Variants in WDR25 observed in about 807,000 individuals in gnomAD.
WDR25 encodes the protein WD repeat domain 25, also known as WD repeat-containing protein 25.
WDR25 carries 35 observed loss-of-function variants against 47.7 expected under a neutral mutation model. The ratio of observed to expected loss-of-function variants is 0.73; its 90% CI spans 0.56 to 0.97. The LOEUF (loss-of-function observed/expected upper bound fraction) is 0.97, where lower values mean the gene tolerates loss of function less well. Ranked by LOEUF, WDR25 falls within the 50% of genes least tolerant of loss-of-function variation. WDR25 has a pLI of 0.00. For missense variants in WDR25, 634 were observed against 704.7 expected (o/e 0.90, Z 1.14); for synonymous variants, 248 against 278.9 (o/e 0.89, Z 1.10).
chr14:100,387,882 T>A (rs1383210884), intron 2 of WDR25, among the ~76,000 whole-genome samples: 1 of 152,252 alleles, frequency 6.6e-6, no homozygotes, highest in Admixed American at 6.5e-5. Context: ...AGAGAAGAGA[T>A]GATTTCTGGG....
At position 100,529,607 on chromosome 14, in the gene WDR25, G is replaced by A. The variant is rs1208033385; in HGVS notation, c.1414-213G>A. 15 of 619,288 alleles carry A rather than the reference G, an allele frequency of 2.4e-5. 1 individual carries two copies. Among genetic ancestry groups the A allele is most frequent in the South Asian group, 2.0e-4 (10 of 50,462 alleles). The allele number at this position is 619,288 out of a possible 1,614,324, so 38.4% of individuals were successfully genotyped here. A position where few individuals can be genotyped will look rare whatever the true frequency, so the allele number is the denominator to read the frequency against. On this transcript the variant is annotated intron_variant, in intron 6 of 6. Transcript: ENST00000402312. The surrounding 1 kb of genome is among the most constrained non-coding windows in gnomAD (Gnocchi z 5.1). ...CCTCAGCTGGGCTGGAGCTGGTCCC[G>A]CTGGATCTGCTGAACTGGCCTTGGG...
chr14:100,381,560 C>T lies in WDR25; in HGVS notation c.636C>T (p.Tyr212=), dbSNP rs758455079. The change falls in exon 2 of 7, where the codon TAC becomes TAT. Residue 212 remains tyrosine, a synonymous_variant. Transcript: ENST00000402312. ...CAGGGCGTGCCCCAGCCCCTCTCTA[C>T]GTGGGCCCGGGAGTGTCTGAGTTTA... The part of the protein sequence containing the change: ...PPAGRAPAPL[Y]VGPGVSEFIQ... 215 of 1,609,630 alleles carry T rather than the reference C, an allele frequency of 1.3e-4. No homozygotes were observed. Among genetic ancestry groups the T allele is most frequent in the Non-Finnish European group, 1.6e-4 (189 of 1,177,058 alleles).
rs1432445483 is a variant in WDR25, at chr14:100,425,884, C to A, written c.823-42137C>A. Among the ~76,000 whole-genome samples, 1 of 152,166 alleles carries A rather than the reference C, an allele frequency of 6.6e-6. No homozygotes were observed. Among genetic ancestry groups the A allele is most frequent in the Non-Finnish European group, 1.5e-5 (1 of 68,036 alleles). On this transcript the variant is annotated intron_variant, in intron 2 of 6. Coordinates refer to ENST00000402312, the MANE Select transcript of WDR25 (RefSeq NM_001161476.3). The surrounding 1 kb of genome is among the most constrained non-coding windows in gnomAD (Gnocchi z 4.8). ...TCACCTGGGGCAAGCTGACCCTCAA[C>A]ATGAGGCAAGGGGTATTCAGTGGGG...
chr14:100,487,019 A>G (rs1413029566), intron 4 of WDR25, among the ~76,000 whole-genome samples: 1 of 152,162 alleles, frequency 6.6e-6, no homozygotes, highest in Non-Finnish European at 1.5e-5. Flanking sequence ...AAAAAATTAT[A>G]AAAGCACTAT....
rs1595099568 is a variant in WDR25 at position 100,449,509 on chromosome 14, G to A, written c.823-18512G>A. Among the ~76,000 whole-genome samples the A allele has an allele frequency of 6.6e-6, 1 of 152,352 alleles. No homozygotes were observed. Among genetic ancestry groups the A allele is most frequent in the East Asian group, 1.9e-4 (1 of 5,180 alleles). The stretch of plus-strand genomic sequence containing the variant: ...GGGTGGGAGAGGCTGTCTCAGCTGG[G>A]TCTCTGGAAAAGCTGAGGTCAGGAG... On this transcript the variant is annotated intron_variant, in intron 2 of 6. Coordinates refer to ENST00000402312, the MANE Select transcript of WDR25 (RefSeq NM_001161476.3). This position sits in a 1 kb window ranked among gnomAD's most constrained non-coding sequence, Gnocchi z 4.2.
rs1329064453 is a variant in WDR25 at position 100,440,903 on chromosome 14, T to C, written c.823-27118T>C. On this transcript the variant is annotated intron_variant, in intron 2 of 6. Coordinates refer to ENST00000402312, the MANE Select transcript of WDR25 (RefSeq NM_001161476.3). The surrounding 1 kb of genome is among the most constrained non-coding windows in gnomAD (Gnocchi z 4.4). The stretch of plus-strand genomic sequence containing the variant: ...GATTGTTCCCCCAGGATAGTCCTGA[T>C]GACAAATGTAATTGACATTTTTTAT... 6.6e-6 allele frequency among the ~76,000 whole-genome samples: 1 copy of C among 152,242 alleles called. No homozygotes were observed. Among genetic ancestry groups the C allele is most frequent in the Non-Finnish European group, 1.5e-5 (1 of 68,046 alleles).
At chr14:100,423,646 C>CT (rs1566903371) in intron 2 of WDR25, among the ~76,000 whole-genome samples, 1 of 152,192 alleles carries the variant, frequency 6.6e-6, no homozygotes, top group East Asian at 1.9e-4. Context: ...GAAAACGGAA[C>CT]TTTTGACTAC....
At chr14:100,446,770 G>T (rs1482907049) in intron 2 of WDR25, among the ~76,000 whole-genome samples, 1 of 152,154 alleles carries the variant, frequency 6.6e-6, no homozygotes, top group Non-Finnish European at 1.5e-5. Flanking sequence ...GGGCTTCTGT[G>T]ATCTGGGCAG....
At chr14:100,477,955 G>T (rs11628924) in intron 3 of WDR25, among the ~76,000 whole-genome samples, 80,211 of 151,824 alleles carry the variant, frequency 0.53, 22,267 homozygotes, top group Admixed American at 0.67. Flanking sequence ...AGCTGGGTGT[G>T]GTAGCAGGCA....
intron 2 of WDR25, among the ~76,000 whole-genome samples, chr14:100,452,188 A>G (rs929610015): frequency 5.3e-5 from 8 of 151,992 alleles, no homozygotes; most frequent in Non-Finnish European, 1.0e-4. Flanking sequence ...TCATGTATCC[A>G]TGCATTCCAT....
intron 2 of WDR25, among the ~76,000 whole-genome samples, chr14:100,413,361 A>T (rs963715825): frequency 6.6e-6 from 1 of 150,702 alleles, no homozygotes; most frequent in African/African-American, 2.4e-5. Flanking sequence ...GCAGCCACAG[A>T]TCTGCTTCTC....
chr14:100,382,295 C>G, intron 2 of WDR25: 1 of 648,374 alleles, frequency 1.5e-6, no homozygotes, highest in East Asian at 2.7e-5. Context: ...GGGTTACCAG[C>G]CCAGCCCGGC....
chr14:100,519,851 GCTATATATATA>G (rs924740239), intron 4 of WDR25, among the ~76,000 whole-genome samples: 3 of 124,752 alleles, frequency 2.4e-5, no homozygotes, highest in East Asian at 2.1e-4. Context: ...TACTATATAT[GCTATATATATA>G]CTATATATAC....
At chr14:100,435,321 G>T (rs1898468234) in intron 2 of WDR25, among the ~76,000 whole-genome samples, 1 of 152,308 alleles carries the variant, frequency 6.6e-6, no homozygotes, top group African/African-American at 2.4e-5. Flanking sequence ...AAGGAAAAAG[G>T]CCCCAGGGAG....
chr14:100,477,649 A>C (rs1386109618), intron 3 of WDR25, among the ~76,000 whole-genome samples: 1 of 152,206 alleles, frequency 6.6e-6, no homozygotes, highest in East Asian at 1.9e-4. Context: ...GCTAGTGTTC[A>C]TGTTCAAGAT....
rs148178327 is a variant in WDR25 at position 100,498,267 on chromosome 14, G to A, written c.1101+14143G>A. On this transcript the variant is annotated intron_variant, in intron 4 of 6. Coordinates refer to ENST00000402312, the MANE Select transcript of WDR25 (RefSeq NM_001161476.3). The surrounding 1 kb of genome is among the most constrained non-coding windows in gnomAD (Gnocchi z 4.2). ...TCTGCAAATCTGGCGCGGAGGCTGC[G>A]GAGGGAGATGGATGTGCTGAGAGGA... 2.5e-3 allele frequency among the ~76,000 whole-genome samples: 377 copies of A among 152,266 alleles called. 5 individuals carry two copies. In the Middle Eastern group the frequency reaches 0.027, roughly 11 times the overall value.
intron 5 of WDR25, among the ~76,000 whole-genome samples, chr14:100,526,299 C>T (rs571248093): frequency 6.6e-6 from 1 of 152,270 alleles, no homozygotes; most frequent in African/African-American, 2.4e-5. Flanking sequence ...GCGGTTCAGT[C>T]CAGATCAATG....
At position 100,430,151 on chromosome 14, in the gene WDR25, G is replaced by GGTGTGTGTGTGTGTGT. The variant is rs59318813; in HGVS notation, c.823-37851_823-37836dup. On this transcript the variant is annotated intron_variant, in intron 2 of 6. Transcript: ENST00000402312. This position sits in a 1 kb window ranked among gnomAD's most constrained non-coding sequence, Gnocchi z 4.7. ...CAAATCTTGCAGACCAAGGGGGCCTGGTGTGTGTGTGTGTGTGTGTGTGTG... is the reference window on the plus strand; with the variant it reads ...CAAATCTTGCAGACCAAGGGGGCCTGGTGTGTGTGTGTGTGTGTGTGTGTGTGTGTGTGTGTGTGTG... Among the ~76,000 whole-genome samples the GGTGTGTGTGTGTGTGT allele has an allele frequency of 1.4e-4, 21 of 146,794 alleles. No homozygotes were observed. The highest frequency in any genetic ancestry group is 4.8e-4 in the African/African-American group (19 of 39,780).
At chr14:100,439,902 C>A (rs1216792011) in intron 2 of WDR25, among the ~76,000 whole-genome samples, 1 of 152,168 alleles carries the variant, frequency 6.6e-6, no homozygotes, top group African/African-American at 2.4e-5. Flanking sequence ...TAGCTGGCAG[C>A]GCTCTCGTGT....
Sources: gnomAD v4.1 joint callset for allele counts (sites outside exome capture counted in the v4.1 genomes callset) on GRCh38, gnomAD v4.1.1 for gene constraint, Gnocchi (gnomAD v3.1) non-coding constraint, MANE v1.5 for transcripts, NCBI Gene and HGNC (gene_info 2026-07-23, HGNC 2026-07-21) for gene names.